The following SMAP2 variants were observed in gnomAD, a reference collection of about 807,000 sequenced individuals.
SMAP2 encodes small ArfGAP2.
A neutral mutation model predicts 56.4 loss-of-function variants in SMAP2; 25 were observed. The observed-to-expected ratio is 0.44, with a 90% CI of 0.32 to 0.62. The LOEUF (loss-of-function observed/expected upper bound fraction) is 0.62. Ranked by LOEUF, SMAP2 falls within the 20% of genes least tolerant of loss-of-function variation. SMAP2 has a pLI of 0.04. For missense variants in SMAP2, 388 were observed against 545.6 expected, an observed-to-expected ratio of 0.71 and a Z score of 2.88; for synonymous variants, 157 against 181.7, an observed-to-expected ratio of 0.86 and a Z score of 1.09.
chr1:40,388,916 C>T (rs556419591), intron 1 of SMAP2, among the ~76,000 whole-genome samples: 6 of 151,928 alleles, frequency 3.9e-5, no homozygotes, highest in African/African-American at 1.2e-4. Context: ...CCGGGAGGAA[C>T]GAACAATTCC....
rs1644993727 is a variant in SMAP2 at position 40,416,930 on chromosome 1, T to C, written c.998T>C (p.Met333Thr). ...QPGASGMVAP[M>T]AMPAGYMGGM... ...GGAGCTTCTGGGATGGTTGCCCCCATGGCCATGCCTGCAGGCTATATGGGT... is the reference window on the plus strand; with the variant it reads ...GGAGCTTCTGGGATGGTTGCCCCCACGGCCATGCCTGCAGGCTATATGGGT... The change falls in exon 9 of 10, where the codon ATG becomes ACG. Residue 333 changes from methionine (M) to threonine (T), a missense_variant. By Grantham distance (81) the Met-to-Thr change is moderately conservative. Transcript: ENST00000372718. The C allele has an allele frequency of 6.2e-7, 1 of 1,614,214 alleles. No individual in the cohort carries two copies. The highest frequency in any genetic ancestry group is 1.1e-5 in the South Asian group (1 of 91,092).
At chr1:40,384,669 C>G (rs936574480) in intron 1 of SMAP2, among the ~76,000 whole-genome samples, 11 of 152,176 alleles carry the variant, frequency 7.2e-5, no homozygotes, top group Admixed American at 2.6e-4. Flanking sequence ...AAAGGACTCT[C>G]GTTGTTTGAG....
At chr1:40,375,352 T>G (rs1261666352) in intron 1 of SMAP2, among the ~76,000 whole-genome samples, 1 of 152,226 alleles carries the variant, frequency 6.6e-6, no homozygotes, top group East Asian at 1.9e-4. Flanking sequence ...GCATATACTA[T>G]AAAACAAAGA....
At chr1:40,414,712 T>A (rs1644970708) in intron 6 of SMAP2, among the ~76,000 whole-genome samples, 1 of 152,216 alleles carries the variant, frequency 6.6e-6, no homozygotes, top group African/African-American at 2.4e-5. Context: ...CAATTCCCTG[T>A]ACTCCACTCC....
intron 1 of SMAP2, among the ~76,000 whole-genome samples, chr1:40,351,850 C>T (rs1488000930): frequency 6.6e-6 from 1 of 151,994 alleles, no homozygotes; most frequent in African/African-American, 2.4e-5. Flanking sequence ...GTTGGCCAGG[C>T]TGGTCTCGAA....
chr1:40,416,369 T>C (rs201348537), intron 8 of SMAP2, 28 bp downstream of exon 8: 1 of 1,601,530 alleles, frequency 6.2e-7, no homozygotes, highest in Non-Finnish European at 8.5e-7. Flanking sequence ...CATGGCCATG[T>C]GCCAGGTAGA....
chr1:40,402,172 A>G (rs1644840955), intron 1 of SMAP2, among the ~76,000 whole-genome samples: 1 of 152,290 alleles, frequency 6.6e-6, no homozygotes, highest in East Asian at 1.9e-4. Flanking sequence ...GCCATGACCA[A>G]TGTGTATTAA....
At chr1:40,393,360 C>A in intron 1 of SMAP2, 1 of 1,534,678 alleles carries the variant, frequency 6.5e-7, no homozygotes, top group Non-Finnish European at 8.7e-7. Flanking sequence ...TGAGTGAGTG[C>A]AGCAGGAGAG....
In SMAP2 at chr1:40,409,796, GA is replaced by G; in HGVS notation, c.366del (p.Lys122AsnfsTer40). ...GFIRDKYEKK[K>X]YMDRSLDINA... Reference sequence around the variant, plus strand: ...TTATTCGAGACAAATATGAGAAGAAGAAATACATGGACCGAAGTCTGGACAT... The same window carrying G: ...TTATTCGAGACAAATATGAGAAGAAGAATACATGGACCGAAGTCTGGACAT... On this transcript the variant is annotated frameshift_variant, in exon 4 of 10. Coordinates refer to ENST00000372718, the MANE Select transcript of SMAP2 (RefSeq NM_022733.3). LOFTEE classifies it high-confidence loss of function. The G allele has an allele frequency of 6.2e-7, 1 of 1,613,670 alleles. No homozygotes were observed. Among genetic ancestry groups the G allele is most frequent in the Non-Finnish European group, 8.5e-7 (1 of 1,179,578 alleles).
intron 1 of SMAP2, among the ~76,000 whole-genome samples, chr1:40,377,076 A>G (rs1271368570): frequency 2.0e-5 from 3 of 152,170 alleles, no homozygotes; most frequent in Non-Finnish European, 4.4e-5. Context: ...ACTTGAGTCC[A>G]GGAGTTCAAG....
At chr1:40,402,769 A>G (rs916142495) in intron 1 of SMAP2, among the ~76,000 whole-genome samples, 21 of 152,134 alleles carry the variant, frequency 1.4e-4, no homozygotes, top group Non-Finnish European at 2.9e-5. Context: ...CATGAGATCC[A>G]CTATTTTTTA....
At chr1:40,361,766 G>C (rs141460465) in intron 1 of SMAP2, among the ~76,000 whole-genome samples, 10 of 152,314 alleles carry the variant, frequency 6.6e-5, no homozygotes, top group African/African-American at 2.4e-4. Flanking sequence ...GAAAGGAAGA[G>C]GGGGAAGGAC....
chr1:40,408,678 AG>A lies in SMAP2; in HGVS notation c.265del (p.Ala89GlnfsTer18). 2 of 1,613,994 alleles carry A rather than the reference AG, an allele frequency of 1.2e-6. No individual in the cohort carries two copies. Among genetic ancestry groups the A allele is most frequent in the Non-Finnish European group, 1.7e-6 (2 of 1,179,854 alleles). Reference protein sequence around the residue: ...IQCMQEMGNGKANRLYEAYLP... With the variant: ...IQCMQEMGNGXANRLYEAYLP... ...TGCATGCAAGAGATGGGAAATGGAA[AG>A]GCAAACCGACTTTATGAAGCCTATC... is the stretch of plus-strand genomic sequence containing the variant. On this transcript the variant is annotated frameshift_variant, in exon 3 of 10. Coordinates refer to ENST00000372718, the MANE Select transcript of SMAP2 (RefSeq NM_022733.3). LOFTEE classifies it high-confidence loss of function. The surrounding 1 kb of genome is among the most constrained non-coding windows in gnomAD (Gnocchi z 4.3).
chr1:40,417,041 C>T lies in SMAP2; in HGVS notation c.1109C>T (p.Pro370Leu), dbSNP rs1162893151. 1 of 1,613,890 alleles carries T rather than the reference C, an allele frequency of 6.2e-7. No homozygotes were observed. Among genetic ancestry groups the T allele is most frequent in the East Asian group, 2.2e-5 (1 of 44,872 alleles). The change falls in exon 9 of 10, where the codon CCC becomes CTC. Residue 370 changes from proline (P) to leucine (L), a missense_variant. By Grantham distance (98) the Pro-to-Leu change is moderately conservative (BLOSUM62 -3). Coordinates refer to ENST00000372718, the MANE Select transcript of SMAP2 (RefSeq NM_022733.3). ...AGYMAGMAAM[P>L]QTVYGVQPAQ... ...TACATGGCAGGCATGGCAGCTATGC[C>T]CCAGACTGTGTATGGGGTCCAGCCA...
intron 5 of SMAP2, 177 bp from the exon 6 acceptor site, chr1:40,413,982 C>A: frequency 1.7e-6 from 1 of 587,942 alleles, no homozygotes; most frequent in Non-Finnish European, 3.0e-6. Context: ...TTGGTTTATG[C>A]ACTTCTGCCT....
At chr1:40,393,380 C>G (rs116288253) in intron 1 of SMAP2, 2 of 1,535,120 alleles carry the variant, frequency 1.3e-6, no homozygotes, top group Admixed American at 2.0e-5. Context: ...GGCAGCAGAG[C>G]GCCGTGGGAG....
rs114020964 is a variant in SMAP2 at position 40,391,440 on chromosome 1, C to T, written c.104-15296C>T. Among the ~76,000 whole-genome samples, 1,377 of 152,270 alleles carry T rather than the reference C, an allele frequency of 9.0e-3. 18 individuals carry two copies. The highest frequency in any genetic ancestry group is 0.032 in the African/African-American group (1,312 of 41,542). On this transcript the variant is annotated intron_variant, in intron 1 of 9. Coordinates refer to ENST00000372718, the MANE Select transcript of SMAP2 (RefSeq NM_022733.3). ...GCGCAGCAGTCCCTACACGCCTACA[C>T]CCACCAGCCTGCTATTAGCCTTGGT...
intron 9 of SMAP2, among the ~76,000 whole-genome samples, chr1:40,420,061 A>AT (rs1645027367): frequency 6.6e-6 from 1 of 152,084 alleles, no homozygotes; most frequent in African/African-American, 2.4e-5. Flanking sequence ...GGAAAACTGT[A>AT]TTTACCTAGA....
At position 40,367,659 on chromosome 1, in the gene SMAP2, A is replaced by C. The variant is rs1426711967; in HGVS notation, c.55+5223A>C. Among the ~76,000 whole-genome samples, 15 of 101,730 alleles carry C rather than the reference A, an allele frequency of 1.5e-4. 1 individual carries two copies. Among genetic ancestry groups the C allele is most frequent in the African/African-American group, 5.2e-4 (12 of 23,296 alleles). 66.7% of individuals were successfully genotyped at this position (101,730 alleles called of 152,430 possible). A position where few individuals can be genotyped will look rare whatever the true frequency, so the allele number is the denominator to read the frequency against. ...AAAGATGTTCTTTGAAACCAACGAG[A>C]ACAAAGACACAACATACCAGAATCT... On this transcript the variant is annotated intron_variant, in intron 2 of 6. Transcript: ENST00000435168.
Sources: allele counts gnomAD v4.1 joint callset (sites outside exome capture counted in the v4.1 genomes callset), GRCh38; gene constraint gnomAD v4.1.1; non-coding constraint Gnocchi (gnomAD v3.1); transcripts MANE v1.5; gene names NCBI Gene and HGNC (gene_info 2026-07-23, HGNC 2026-07-21).